BNC2: variants seen among roughly 807,000 people sequenced by gnomAD.
BNC2 encodes the protein basonuclin zinc finger protein 2.
A neutral mutation model predicts 76.3 loss-of-function variants in BNC2; 20 were observed. The ratio of observed to expected loss-of-function variants is 0.26; its 90% confidence interval spans 0.18 to 0.38. The LOEUF (loss-of-function observed/expected upper bound fraction) is 0.38. Ranked by LOEUF, BNC2 falls within the 10% of genes least tolerant of loss-of-function variation. The probability of loss-of-function intolerance (pLI) is 1.00; values close to 1 mark genes in which losing one functional copy is unlikely to be tolerated. For synonymous variants in BNC2, 582 were observed against 514.8 expected (o/e 1.13, Z -1.77); for missense variants, 1,382 against 1,399.8 (o/e 0.99, Z 0.20).
chr9:16,526,978 T>G (rs908540483), intron 5 of BNC2, among the ~76,000 whole-genome samples: 1 of 152,218 alleles, frequency 6.6e-6, no homozygotes, highest in Non-Finnish European at 1.5e-5. Flanking sequence ...AGTAGCAGTT[T>G]CCTGAAAAAG....
intron 5 of BNC2, among the ~76,000 whole-genome samples, chr9:16,519,396 T>C (rs1338293639): frequency 6.6e-6 from 1 of 152,224 alleles, no homozygotes; most frequent in East Asian, 1.9e-4. Context: ...TTATCTCAAA[T>C]CAACCTTAGC....
chr9:16,679,458 G>C (rs1347389416), intron 3 of BNC2, among the ~76,000 whole-genome samples: 2 of 152,080 alleles, frequency 1.3e-5, no homozygotes, highest in African/African-American at 4.8e-5. Flanking sequence ...TCTTTTAACT[G>C]CACACAGGCT....
intron 5 of BNC2, among the ~76,000 whole-genome samples, chr9:16,460,590 T>C (rs1197745003): frequency 6.6e-6 from 1 of 152,116 alleles, no homozygotes; most frequent in African/African-American, 2.4e-5. Flanking sequence ...GCCGCTGCAC[T>C]CTAGCCTGTG....
intron 1 of BNC2, among the ~76,000 whole-genome samples, chr9:16,832,828 C>T (rs1019749359): frequency 2.0e-5 from 3 of 152,056 alleles, no homozygotes; most frequent in African/African-American, 2.4e-5. Flanking sequence ...TGGGTTCAAG[C>T]GATTCTCCTG....
chr9:16,723,851 TGA>T (rs1824238396), intron 3 of BNC2, among the ~76,000 whole-genome samples: 1 of 152,086 alleles, frequency 6.6e-6, no homozygotes, highest in African/African-American at 2.4e-5. Context: ...ATCATGCTAA[TGA>T]GAGAATCTAA....
chr9:16,858,575 T>G (rs960208698), intron 1 of BNC2, among the ~76,000 whole-genome samples: 6 of 152,130 alleles, frequency 3.9e-5, no homozygotes, highest in Non-Finnish European at 7.4e-5. Context: ...CCAGGCGCGG[T>G]GGCTCACGCC....
At chr9:16,763,587 C>A (rs987268936) in intron 1 of BNC2, among the ~76,000 whole-genome samples, 2 of 151,494 alleles carry the variant, frequency 1.3e-5, no homozygotes, top group African/African-American at 2.4e-5. Flanking sequence ...CAAAAAAAAA[C>A]CATCATCACC....
At chr9:16,776,502 A>C (rs10810621) in intron 1 of BNC2, among the ~76,000 whole-genome samples, 47,454 of 152,034 alleles carry the variant, frequency 0.31, 8,817 homozygotes, top group East Asian at 0.77. Flanking sequence ...TTAAGGATAT[A>C]ATCAACTAGC....
chr9:16,766,813 G>GA (rs1825707942), intron 1 of BNC2, among the ~76,000 whole-genome samples: 1 of 152,198 alleles, frequency 6.6e-6, no homozygotes, highest in Non-Finnish European at 1.5e-5. Flanking sequence ...TGCTTTTCCT[G>GA]AAGAGTCTAG....
At chr9:16,692,984 G>C (rs940989832) in intron 3 of BNC2, among the ~76,000 whole-genome samples, 2 of 146,194 alleles carry the variant, frequency 1.4e-5, no homozygotes, top group African/African-American at 2.5e-5. Context: ...ACAAAAATTA[G>C]CTGGGCATGG....
rs543167331 is a variant in BNC2, at chr9:16,845,103, C to T, written c.3+25543G>A. 7.2e-5 allele frequency among the ~76,000 whole-genome samples: 11 copies of T among 152,320 alleles called. No homozygotes were observed. In the East Asian group the frequency reaches 1.2e-3, roughly 16 times the overall value. Reference sequence around the variant, plus strand: ...TGATGAGTAGGAAGTTCCTATCAGTCGGGCTGGGGGCCAACCTTCCCAGGC... The same window carrying T: ...TGATGAGTAGGAAGTTCCTATCAGTTGGGCTGGGGGCCAACCTTCCCAGGC... On this transcript the variant is annotated intron_variant, in intron 1 of 6. Transcript: ENST00000380672.
intron 3 of BNC2, among the ~76,000 whole-genome samples, chr9:16,590,667 C>A (rs887279684): frequency 2.6e-5 from 4 of 151,886 alleles, no homozygotes. Flanking sequence ...ATTCGCCGGG[C>A]GTGGTGGCAT....
At chr9:16,616,781 G>GAGGGA (rs1820711233) in intron 3 of BNC2, among the ~76,000 whole-genome samples, 1 of 52,774 alleles carries the variant, frequency 1.9e-5, no homozygotes, top group African/African-American at 6.3e-5. Flanking sequence ...GAGGGGAGGG[G>GAGGGA]AGGAAGGAGG....
chr9:16,729,466 G>C (rs952984444), intron 2 of BNC2, among the ~76,000 whole-genome samples: 1 of 152,188 alleles, frequency 6.6e-6, no homozygotes, highest in African/African-American at 2.4e-5. Flanking sequence ...AATGAGAAAA[G>C]ATGAGAAAAC....
At chr9:16,746,779 TGATGAAA>T (rs1326191562) in intron 1 of BNC2, among the ~76,000 whole-genome samples, 4 of 151,428 alleles carry the variant, frequency 2.6e-5, no homozygotes, top group African/African-American at 7.3e-5. Context: ...TGGATTAACA[TGATGAAA>T]CCTGTCTCTA....
intron 3 of BNC2, among the ~76,000 whole-genome samples, chr9:16,687,495 T>C (rs1310149322): frequency 1.3e-5 from 2 of 152,066 alleles, no homozygotes; most frequent in Non-Finnish European, 2.9e-5. Flanking sequence ...TCAGCTGACA[T>C]ATGGAAGGCC....
chr9:16,867,310 T>C (rs540086308), intron 1 of BNC2: 1 of 152,312 alleles, frequency 6.6e-6, no homozygotes, highest in South Asian at 2.1e-4. Flanking sequence ...TGTACCATAG[T>C]ATTTATACAC....
chr9:16,665,386 A>AGAGAGAGAG lies in BNC2; in HGVS notation c.330+62410_330+62411insCTCTCTCTC, dbSNP rs369857371. Among the ~76,000 whole-genome samples, 223 of 84,276 alleles carry AGAGAGAGAG rather than the reference A, an allele frequency of 2.6e-3. 8 individuals carry two copies. Among genetic ancestry groups the AGAGAGAGAG allele is most frequent in the African/African-American group, 9.4e-3 (192 of 20,506 alleles). 55.3% of individuals were successfully genotyped at this position (84,276 alleles called of 152,430 possible). ...CCTCTGTCTCAAAAAAAAAAAAAAAAAGAGAGAGAGAGAGAGAAAGAGAGA... is the reference window on the plus strand; with the variant it reads ...CCTCTGTCTCAAAAAAAAAAAAAAAAGAGAGAGAGAGAGAGAGAGAGAGAGAAAGAGAGA... On this transcript the variant is annotated intron_variant, in intron 3 of 6. Coordinates refer to ENST00000380672, the MANE Select transcript of BNC2 (RefSeq NM_017637.6).
chr9:16,554,135 C>T (rs574749099), intron 4 of BNC2, among the ~76,000 whole-genome samples: 11 of 152,266 alleles, frequency 7.2e-5, no homozygotes, highest in South Asian at 6.2e-4. Context: ...CCTTTCTCAG[C>T]GGCTTTTCCT....
Sources: allele counts gnomAD v4.1 joint callset (sites outside exome capture counted in the v4.1 genomes callset), GRCh38; gene constraint gnomAD v4.1.1; transcripts MANE v1.5; gene names NCBI Gene and HGNC (gene_info 2026-07-23, HGNC 2026-07-21).